The following RAVER1 variants were observed in gnomAD, a reference collection of about 807,000 sequenced individuals.
The protein encoded by RAVER1 is ribonucleoprotein PTB-binding 1.
In RAVER1, 36 loss-of-function variants were observed where a neutral mutation model predicts 68.4. The ratio of observed to expected loss-of-function variants is 0.53; its 90% CI spans 0.40 to 0.70. The LOEUF is 0.70. Among genes scored for constraint, RAVER1 ranks in the 30% least tolerant of loss-of-function variants. RAVER1 has a pLI of 0.00. For synonymous variants in RAVER1, 469 were observed against 472.7 expected (o/e 0.99, Z 0.10); for missense variants, 933 against 1,019.8 (o/e 0.91, Z 1.16).
chr19:10,326,720 CT>C (rs2040477198), intron 3 of RAVER1, among the ~76,000 whole-genome samples: 2 of 149,512 alleles, frequency 1.3e-5, no homozygotes, highest in Admixed American at 1.3e-4. Flanking sequence ...CTCCAAAGAG[CT>C]GGCATTACAA....
chr19:10,318,314 G>T lies in RAVER1; in HGVS notation c.1904C>A (p.Pro635His), dbSNP rs746102078. 3 of 1,592,702 alleles carry T rather than the reference G, an allele frequency of 1.9e-6. No individual in the cohort carries two copies. Among genetic ancestry groups the T allele is most frequent in the Non-Finnish European group, 1.7e-6 (2 of 1,171,486 alleles). ...ERSSGGSGGG[P>H]LSHFYSGSPT... ...CGAGCCTGAATAGAAGTGAGACAGGGGGCCCCCGCCACTCCCACCGCTGCT... is the reference window on the plus strand; with the variant it reads ...CGAGCCTGAATAGAAGTGAGACAGGTGGCCCCCGCCACTCCCACCGCTGCT... Residue 635 changes from proline (P) to histidine (H), a missense_variant, in exon 11 of 13, where the codon CCC (proline) becomes CAC (histidine). Transcript: ENST00000617231.
Position 10,317,358 on chromosome 19 carries a change from A to G in RAVER1, c.*96T>C. On this transcript the variant is annotated 3_prime_UTR_variant, in exon 13 of 13. Transcript: ENST00000617231. This position sits in a 1 kb window ranked among gnomAD's most constrained non-coding sequence, Gnocchi z 4.3. ...TTTCAGAGATTTTTCTATTACCGAA[A>G]GAGAGAAAATGGTTTAAAAAAAACA... is the stretch of plus-strand genomic sequence containing the variant. 7.4e-7 allele frequency: 1 copy of G among 1,342,334 alleles called. No homozygotes were observed. The highest frequency in any genetic ancestry group is 1.1e-6 in the Non-Finnish European group (1 of 943,258). The allele number at this position is 1,342,334 out of a possible 1,614,324, so 83.2% of individuals were successfully genotyped here.
intron 3 of RAVER1, among the ~76,000 whole-genome samples, chr19:10,326,867 A>G (rs558258919): frequency 2.1e-4 from 32 of 151,214 alleles, no homozygotes; most frequent in Middle Eastern, 3.4e-3. Flanking sequence ...CCCAGGTACA[A>G]GCGATTCTCC....
In RAVER1 at chr19:10,333,211, G is replaced by A; in HGVS notation, c.219+78C>T. On this transcript the variant is annotated intron_variant, in intron 1 of 12. Coordinates refer to ENST00000617231, the MANE Select transcript of RAVER1 (RefSeq NM_133452.3). This position sits in a 1 kb window ranked among gnomAD's most constrained non-coding sequence, Gnocchi z 4.2. ...GCCAACGACCCCCGCGCACCTCAGC[G>A]TTGGTGTCGCCCGGTTCCCCCCGCG... is the stretch of plus-strand genomic sequence containing the variant. 1 of 1,409,158 alleles carries A rather than the reference G, an allele frequency of 7.1e-7. No individual in the cohort carries two copies. Among genetic ancestry groups the A allele is most frequent in the Non-Finnish European group, 9.6e-7 (1 of 1,037,022 alleles). The allele number at this position is 1,409,158 out of a possible 1,614,324, so 87.3% of individuals were successfully genotyped here. A position where few individuals can be genotyped will look rare whatever the true frequency, so the allele number is the denominator to read the frequency against.
chr19:10,328,549 CA>C lies in RAVER1; in HGVS notation c.756+92del, dbSNP rs144646475. On this transcript the variant is annotated intron_variant, in intron 3 of 12. Coordinates refer to ENST00000617231, the MANE Select transcript of RAVER1 (RefSeq NM_133452.3). This position sits in a 1 kb window ranked among gnomAD's most constrained non-coding sequence, Gnocchi z 4.4. ...CATGGGTGACAAAGTGAGACTGTCTCAAAAAAAAAAAAGAAAAGGCAGATGA... is the reference window on the plus strand; with the variant it reads ...CATGGGTGACAAAGTGAGACTGTCTCAAAAAAAAAAAGAAAAGGCAGATGA... The C allele has an allele frequency of 0.047, 29,917 of 636,924 alleles. No homozygotes were observed. Among genetic ancestry groups the C allele is most frequent in the South Asian group, 0.064 (2,536 of 39,620 alleles). The allele number at this position is 636,924 out of a possible 1,614,324, so 39.5% of individuals were successfully genotyped here.
intron 11 of RAVER1, 103 bp downstream of exon 11, chr19:10,318,126 C>A: frequency 9.7e-7 from 1 of 1,029,624 alleles, no homozygotes; most frequent in South Asian, 1.6e-5. Flanking sequence ...TGCCACCACC[C>A]CAGCTTTGGC....
rs1415237507 is a variant in RAVER1 at position 10,322,564 on chromosome 19, C to T, written c.1173+81G>A. The stretch of plus-strand genomic sequence containing the variant: ...CCCAGGGCACAGCCAGAGGTCCCCC[C>T]ACCCCACCGATCGCACCAGCTGTGT... On this transcript the variant is annotated intron_variant, in intron 6 of 12. Transcript: ENST00000617231. The surrounding 1 kb of genome is among the most constrained non-coding windows in gnomAD (Gnocchi z 4.3). 18 of 1,052,854 alleles carry T rather than the reference C, an allele frequency of 1.7e-5. No individual in the cohort carries two copies. The highest frequency in any genetic ancestry group is 5.1e-5 in the African/African-American group (3 of 58,544). 65.2% of individuals were successfully genotyped at this position (1,052,854 alleles called of 1,614,324 possible).
At position 10,323,066 on chromosome 19, in the gene RAVER1, G is replaced by A; in HGVS notation, c.1078+79C>T. The A allele has an allele frequency of 3.3e-6, 4 of 1,213,006 alleles. No individual in the cohort carries two copies. Among genetic ancestry groups the A allele is most frequent in the South Asian group, 1.6e-5 (1 of 63,564 alleles). 75.1% of individuals were successfully genotyped at this position (1,213,006 alleles called of 1,614,324 possible). A position where few individuals can be genotyped will look rare whatever the true frequency, so the allele number is the denominator to read the frequency against. On this transcript the variant is annotated intron_variant, in intron 5 of 12. Coordinates refer to ENST00000617231, the MANE Select transcript of RAVER1 (RefSeq NM_133452.3). The surrounding 1 kb of genome is among the most constrained non-coding windows in gnomAD (Gnocchi z 6.2). Reference sequence around the variant, plus strand: ...GGGCTCCTGTCACTGCAGCCAAGATGAGCAGTTTCGGGAAGTGCCGGGGGC... The same window carrying A: ...GGGCTCCTGTCACTGCAGCCAAGATAAGCAGTTTCGGGAAGTGCCGGGGGC...
chr19:10,318,877 G>A (rs1037412308), intron 10 of RAVER1, among the ~76,000 whole-genome samples: 6 of 152,148 alleles, frequency 3.9e-5, no homozygotes, highest in Admixed American at 3.9e-4. Flanking sequence ...CCATAGAGTG[G>A]CAAGAAGTAA....
chr19:10,320,853 C>G lies in RAVER1; in HGVS notation c.1572G>C (p.Lys524Asn). 2.6e-6 allele frequency: 4 copies of G among 1,510,938 alleles called. No homozygotes were observed. The highest frequency in any genetic ancestry group is 3.5e-6 in the Non-Finnish European group (4 of 1,136,694). 93.6% of individuals were successfully genotyped at this position (1,510,938 alleles called of 1,614,324 possible). ...SLLPASNLAG[K>N]EARGWGGAGR... ...CGGCGCCTCCCCAGCCCCGGGCCTC[C>G]TTACCCGCCAGGTTGCTGGCCGGGA... The change falls in exon 9 of 13, where the codon AAG becomes AAC. Residue 524 changes from lysine to asparagine, a missense_variant. Physicochemically the swap from Lys to Asn is moderately conservative, Grantham distance 94 (BLOSUM62 0). Coordinates refer to ENST00000617231, the MANE Select transcript of RAVER1 (RefSeq NM_133452.3).
chr19:10,331,531 C>A (rs1243788854), intron 1 of RAVER1, among the ~76,000 whole-genome samples: 1 of 149,780 alleles, frequency 6.7e-6, no homozygotes, highest in Non-Finnish European at 1.5e-5. Flanking sequence ...ACTAAAAATA[C>A]AAAAATCAGC....
At position 10,333,201 on chromosome 19, in the gene RAVER1, G is replaced by T; in HGVS notation, c.219+88C>A. 2 of 1,311,956 alleles carry T rather than the reference G, an allele frequency of 1.5e-6. No individual in the cohort carries two copies. Among genetic ancestry groups the T allele is most frequent in the African/African-American group, 1.5e-5 (1 of 67,894 alleles). The allele number at this position is 1,311,956 out of a possible 1,614,324, so 81.3% of individuals were successfully genotyped here. A position where few individuals can be genotyped will look rare whatever the true frequency, so the allele number is the denominator to read the frequency against. On this transcript the variant is annotated intron_variant, in intron 1 of 12. Transcript: ENST00000617231. The surrounding 1 kb of genome is among the most constrained non-coding windows in gnomAD (Gnocchi z 4.2). ...GGGCGCCCCCGCCAACGACCCCCGC[G>T]CACCTCAGCGTTGGTGTCGCCCGGT... is the stretch of plus-strand genomic sequence containing the variant.
intron 10 of RAVER1, among the ~76,000 whole-genome samples, chr19:10,318,746 A>G (rs1568309864): frequency 1.3e-5 from 2 of 152,194 alleles, no homozygotes; most frequent in Non-Finnish European, 2.9e-5. Context: ...CTCCTCCAGG[A>G]ACCCAGGGAT....
At position 10,328,635 on chromosome 19, in the gene RAVER1, G is replaced by A; in HGVS notation, c.756+7C>T. On this transcript the variant is annotated splice_region_variant and intron_variant, in intron 3 of 12. Transcript: ENST00000617231. This position sits in a 1 kb window ranked among gnomAD's most constrained non-coding sequence, Gnocchi z 4.4. ...ACCTGCTCCCCAATGCTCTCCACAG[G>A]GCTCACCTGGCAGAAGGTGGGGCTG... 6.5e-7 allele frequency: 1 copy of A among 1,545,236 alleles called. No homozygotes were observed. The highest frequency in any genetic ancestry group is 8.8e-7 in the Non-Finnish European group (1 of 1,142,214).
In RAVER1 at chr19:10,322,550, GCC is replaced by G. The variant is rs2040445507; in HGVS notation, c.1173+93_1173+94del. 1.1e-6 allele frequency: 1 copy of G among 937,972 alleles called. No individual in the cohort carries two copies. 58.1% of individuals were successfully genotyped at this position (937,972 alleles called of 1,614,324 possible). A position where few individuals can be genotyped will look rare whatever the true frequency, so the allele number is the denominator to read the frequency against. ...CCTGGTTCTGCGCCCCCAGGGCACA[GCC>G]AGAGGTCCCCCCACCCCACCGATCG... On this transcript the variant is annotated intron_variant, in intron 6 of 12. Transcript: ENST00000617231. This position sits in a 1 kb window ranked among gnomAD's most constrained non-coding sequence, Gnocchi z 4.3.
In RAVER1 at chr19:10,323,029, G is replaced by T; in HGVS notation, c.1078+116C>A. 1 of 893,018 alleles carries T rather than the reference G, an allele frequency of 1.1e-6. No homozygotes were observed. 55.3% of individuals were successfully genotyped at this position (893,018 alleles called of 1,614,324 possible). On this transcript the variant is annotated intron_variant, in intron 5 of 12. Transcript: ENST00000617231. The surrounding 1 kb of genome is among the most constrained non-coding windows in gnomAD (Gnocchi z 6.2). ...CGCTATGACTCCATACTCCCCCTCGGCCCTACTCCTGGGGCTCCTGTCACT... is the reference window on the plus strand; with the variant it reads ...CGCTATGACTCCATACTCCCCCTCGTCCCTACTCCTGGGGCTCCTGTCACT...
At chr19:10,321,325 C>G (rs1017083287) in intron 7 of RAVER1, 66 bp from the exon 8 acceptor site, 2 of 891,540 alleles carry the variant, frequency 2.2e-6, no homozygotes, top group Non-Finnish European at 3.0e-6. Context: ...GGCCCTCCAG[C>G]TCCCACCTGG....
At chr19:10,324,172 AG>A (rs1167448351) in intron 3 of RAVER1, among the ~76,000 whole-genome samples, 6 of 148,238 alleles carry the variant, frequency 4.0e-5, no homozygotes, top group Admixed American at 3.4e-4. Context: ...AAAAAAAAAA[AG>A]AGATAATCAG....
At chr19:10,324,519 C>G (rs1249348054) in intron 3 of RAVER1, among the ~76,000 whole-genome samples, 2 of 152,088 alleles carry the variant, frequency 1.3e-5, no homozygotes, top group African/African-American at 2.4e-5. Context: ...GCTGGGATTA[C>G]AGGTGTGCAC....
Sources: allele counts gnomAD v4.1 joint callset (sites outside exome capture counted in the v4.1 genomes callset), GRCh38; gene constraint gnomAD v4.1.1; non-coding constraint Gnocchi (gnomAD v3.1); transcripts MANE v1.5; gene names NCBI Gene and HGNC (gene_info 2026-07-23, HGNC 2026-07-21).